ABCA13: variants seen among roughly 807,000 people sequenced by gnomAD.
ABCA13 encodes ATP-binding cassette sub-family A member 13.
ABCA13 carries 476 observed loss-of-function variants against 478.7 expected under a neutral mutation model. That is an observed-to-expected ratio of 0.99 (90% CI 0.92 to 1.07). The LOEUF (loss-of-function observed/expected upper bound fraction) is 1.07, where lower values mean the gene tolerates loss of function less well. Ranked by LOEUF, ABCA13 falls within the 50% of genes least tolerant of loss-of-function variation. ABCA13 has a pLI of 0.00. For synonymous variants in ABCA13, 2,252 were observed against 2,158.9 expected (o/e 1.04, Z -1.20); for missense variants, 6,060 against 5,910.6 (o/e 1.03, Z -0.83).
chr7:48,345,790 A>C (rs1178694473), intron 29 of ABCA13, among the ~76,000 whole-genome samples: 1 of 152,232 alleles, frequency 6.6e-6, no homozygotes, highest in Non-Finnish European at 1.5e-5. Flanking sequence ...TAAAGTTTAT[A>C]AAGTGTACGG....
At chr7:48,244,010 C>CATTCG (rs987062073) in intron 10 of ABCA13, among the ~76,000 whole-genome samples, 1 of 152,212 alleles carries the variant, frequency 6.6e-6, no homozygotes, top group Non-Finnish European at 1.5e-5. Context: ...TTATCAAACT[C>CATTCG]ATTTTCTTTC....
At chr7:48,455,000 G>A (rs976297668) in intron 42 of ABCA13, 37 bp from the exon 43 acceptor site, 6 of 1,467,618 alleles carry the variant, frequency 4.1e-6, no homozygotes, top group Non-Finnish European at 5.4e-6. Flanking sequence ...CCTCCGCAGA[G>A]CTGACCCAGC....
At chr7:48,421,791 C>T (rs925447975) in intron 41 of ABCA13, among the ~76,000 whole-genome samples, 4 of 152,186 alleles carry the variant, frequency 2.6e-5, no homozygotes, top group African/African-American at 9.7e-5. Flanking sequence ...AGGAGTTCAA[C>T]TCCACATCTC....
chr7:48,411,519 G>A (rs1173763846), intron 40 of ABCA13, among the ~76,000 whole-genome samples: 4 of 152,036 alleles, frequency 2.6e-5, no homozygotes, highest in Non-Finnish European at 5.9e-5. Context: ...TGTTGGCCAG[G>A]CTGGTCTTGA....
chr7:48,242,740 C>A (rs2129016382), intron 10 of ABCA13, among the ~76,000 whole-genome samples: 1 of 152,318 alleles, frequency 6.6e-6, no homozygotes, highest in East Asian at 1.9e-4. Flanking sequence ...CAGCTGGCCA[C>A]CTTCAGCCTT....
intron 56 of ABCA13, among the ~76,000 whole-genome samples, chr7:48,585,738 TC>T (rs1229797314): frequency 6.6e-6 from 1 of 152,184 alleles, no homozygotes; most frequent in African/African-American, 2.4e-5. Flanking sequence ...TTCCCTCTTC[TC>T]CTAAATTTGA....
At chr7:48,557,153 G>T (rs537144675) in intron 55 of ABCA13, among the ~76,000 whole-genome samples, 21 of 151,992 alleles carry the variant, frequency 1.4e-4, no homozygotes, top group Admixed American at 4.6e-4. Context: ...TACTATCTAT[G>T]TCTTCAAAAG....
intron 59 of ABCA13, among the ~76,000 whole-genome samples, chr7:48,636,301 A>G (rs980085177): frequency 1.3e-5 from 2 of 152,204 alleles, no homozygotes; most frequent in Admixed American, 6.5e-5. Context: ...TCCCCCAACC[A>G]TAACGTGGAG....
Position 48,275,900 on chromosome 7 carries a change from G to C in ABCA13, c.6234G>C (p.Leu2078=), listed in dbSNP as rs1478400665. Residue 2078 remains leucine (L), a synonymous_variant, in exon 17 of 62, where the codon CTG becomes CTC. Transcript: ENST00000435803. The stretch of plus-strand genomic sequence containing the variant: ...CCCAAGATTTTAGAATCAGACACCT[G>C]CTTTCTGAAATGAACAAAGGAATCA... The part of the protein sequence containing the change: ...DLTQDFRIRH[L]LSEMNKGIKS... 2 of 1,613,534 alleles carry C rather than the reference G, an allele frequency of 1.2e-6. No individual in the cohort carries two copies. The highest frequency in any genetic ancestry group is 1.7e-4 in the Middle Eastern group (1 of 6,058).
At chr7:48,386,108 C>T (rs1815144230) in intron 35 of ABCA13, among the ~76,000 whole-genome samples, 1 of 152,040 alleles carries the variant, frequency 6.6e-6, no homozygotes, top group Non-Finnish European at 1.5e-5. Flanking sequence ...ACAGTCAAGC[C>T]CAGAGTTAAA....
At chr7:48,244,916 C>T (rs762584993) in intron 11 of ABCA13, among the ~76,000 whole-genome samples, 1 of 152,132 alleles carries the variant, frequency 6.6e-6, no homozygotes, top group Non-Finnish European at 1.5e-5. Flanking sequence ...CAGTGAAGAG[C>T]GCATCCTTCT....
chr7:48,552,190 T>C (rs1408159949), intron 55 of ABCA13, among the ~76,000 whole-genome samples: 1 of 151,790 alleles, frequency 6.6e-6, no homozygotes, highest in Non-Finnish European at 1.5e-5. Flanking sequence ...AAAAAAAAAG[T>C]TACAATTTTA....
At chr7:48,259,528 A>G (rs926470142) in intron 15 of ABCA13, among the ~76,000 whole-genome samples, 13 of 152,100 alleles carry the variant, frequency 8.5e-5, no homozygotes, top group Middle Eastern at 3.4e-3. Flanking sequence ...GAAGACACAT[A>G]TGGCGTCTTA....
intron 1 of ABCA13, among the ~76,000 whole-genome samples, chr7:48,174,491 A>T (rs1392714480): frequency 2.0e-5 from 3 of 152,114 alleles, no homozygotes; most frequent in African/African-American, 7.2e-5. Context: ...ACAAAAATTT[A>T]AAAAAATAGA....
In ABCA13 at chr7:48,432,084, T is replaced by C. The variant is rs561838025; in HGVS notation, c.12565+4213T>C. Among the ~76,000 whole-genome samples, 12 of 152,164 alleles carry C rather than the reference T, an allele frequency of 7.9e-5. No homozygotes were observed. The South Asian group carries it at 2.5e-3, about 32-fold the overall frequency. On this transcript the variant is annotated intron_variant, in intron 42 of 61. Coordinates refer to ENST00000435803, the MANE Select transcript of ABCA13 (RefSeq NM_152701.5). ...TACCCTAGAACTTAAAGTATAATAA[T>C]AATAAAATATGTGTATACATTATAT...
chr7:48,586,583 C>G (rs915092859), intron 56 of ABCA13, among the ~76,000 whole-genome samples: 1 of 151,956 alleles, frequency 6.6e-6, no homozygotes, highest in African/African-American at 2.4e-5. Flanking sequence ...TCCAAAAGTG[C>G]GGAGGGAGGG....
intron 55 of ABCA13, among the ~76,000 whole-genome samples, chr7:48,566,537 A>G (rs146407608): frequency 1.3e-5 from 2 of 152,184 alleles, no homozygotes; most frequent in Non-Finnish European, 2.9e-5. Context: ...ATTTATATAG[A>G]TGAGCTCACT....
chr7:48,487,556 A>T (rs2130652307), intron 47 of ABCA13, among the ~76,000 whole-genome samples: 1 of 152,282 alleles, frequency 6.6e-6, no homozygotes, highest in East Asian at 1.9e-4. Flanking sequence ...AAAATTTAAA[A>T]AACCTTAATT....
chr7:48,201,465 G>A (rs888823773), intron 3 of ABCA13, among the ~76,000 whole-genome samples: 1 of 152,022 alleles, frequency 6.6e-6, no homozygotes, highest in Non-Finnish European at 1.5e-5. Flanking sequence ...AACTCGTCTG[G>A]CATCCCAGCA....
Sources: allele counts gnomAD v4.1 joint callset (sites outside exome capture counted in the v4.1 genomes callset), GRCh38; gene constraint gnomAD v4.1.1; transcripts MANE v1.5; gene names NCBI Gene and HGNC (gene_info 2026-07-23, HGNC 2026-07-21).